Variants in ERI1 observed in about 807,000 individuals in gnomAD.
The protein encoded by ERI1 is exoribonuclease 1.
In ERI1, 39 loss-of-function variants were observed where a neutral mutation model predicts 39.7. That is an observed-to-expected ratio of 0.98 (90% CI 0.76 to 1.28). The LOEUF (loss-of-function observed/expected upper bound fraction) is 1.28, where lower values mean the gene tolerates loss of function less well. Ranked by LOEUF, ERI1 falls within the 50% of genes most tolerant of loss-of-function variation. The probability of loss-of-function intolerance (pLI) is 0.00; values close to 1 mark genes in which losing one functional copy is unlikely to be tolerated. For missense variants in ERI1, 581 were observed against 416.9 expected, an observed-to-expected ratio of 1.39 and a Z score of -3.43; for synonymous variants, 204 against 149.6, an observed-to-expected ratio of 1.36 and a Z score of -2.65.
At position 9,008,020 on chromosome 8, in the gene ERI1, C is replaced by G. The variant is rs1419917180; in HGVS notation, c.159C>G (p.Phe53Leu). ...GCCAGGAGACAAAAGGATCCAAGTTCATTACCTCCAGTGCGAGTGACTTCA... is the reference window on the plus strand; with the variant it reads ...GCCAGGAGACAAAAGGATCCAAGTTGATTACCTCCAGTGCGAGTGACTTCA... ...FDGQETKGSK[F>L]ITSSASDFSD... Residue 53 changes from phenylalanine to leucine, a missense_variant, in exon 2 of 7, where the codon TTC becomes TTG. Phe to Leu is a conservative substitution (Grantham distance 22, BLOSUM62 0). Transcript: ENST00000250263. The G allele has an allele frequency of 1.5e-5, 22 of 1,464,746 alleles. No homozygotes were observed. The highest frequency in any genetic ancestry group is 2.0e-5 in the Non-Finnish European group (22 of 1,096,724). 90.7% of individuals were successfully genotyped at this position (1,464,746 alleles called of 1,614,324 possible).
chr8:9,038,407 C>T (rs561613473), intron 3 of ERI1, among the ~76,000 whole-genome samples: 1 of 152,344 alleles, frequency 6.6e-6, no homozygotes, highest in South Asian at 2.1e-4. Flanking sequence ...CTGTATTTTT[C>T]TGCCTGAAAG....
chr8:9,022,835 C>T (rs1013770186), intron 6 of ERI1, among the ~76,000 whole-genome samples: 4 of 152,056 alleles, frequency 2.6e-5, no homozygotes, highest in Non-Finnish European at 5.9e-5. Flanking sequence ...AACTCATGGC[C>T]AGTCATGTTT....
intron 3 of ERI1, among the ~76,000 whole-genome samples, chr8:9,074,103 T>C (rs1799135866): frequency 6.6e-6 from 1 of 150,578 alleles, no homozygotes; most frequent in South Asian, 2.1e-4. Context: ...TTTTTGTGTG[T>C]GTTATTTTTT....
intron 3 of ERI1, among the ~76,000 whole-genome samples, chr8:9,087,977 C>T (rs1469237445): frequency 6.6e-6 from 1 of 152,196 alleles, no homozygotes; most frequent in Non-Finnish European, 1.5e-5. Context: ...TTGATCATCA[C>T]ATTCCTGGCA....
chr8:9,039,246 A>T (rs1417599674), intron 3 of ERI1, among the ~76,000 whole-genome samples: 1 of 152,112 alleles, frequency 6.6e-6, no homozygotes, highest in Non-Finnish European at 1.5e-5. Context: ...AGGATATAAT[A>T]CTCTTGGCAC....
intron 2 of ERI1, among the ~76,000 whole-genome samples, chr8:9,009,577 G>T (rs930427515): frequency 2.0e-5 from 3 of 152,090 alleles, no homozygotes; most frequent in African/African-American, 7.2e-5. Flanking sequence ...GTCTTGCTCT[G>T]TCGCCAGGCT....
Position 9,030,870 on chromosome 8 carries a change from G to GT in ERI1, c.*837dup, listed in dbSNP as rs1797540540. 1 of 152,068 alleles carries GT rather than the reference G, an allele frequency of 6.6e-6. No individual in the cohort carries two copies. Among genetic ancestry groups the GT allele is most frequent in the South Asian group, 2.1e-4 (1 of 4,826 alleles). The allele number at this position is 152,068 out of a possible 1,614,324, so 9.4% of individuals were successfully genotyped here. Reference sequence around the variant, plus strand: ...CTAATTTTACTTTGTATTCAGTATCGTAAGTGAGGTTAATAAAGTCAATAC... The same window carrying GT: ...CTAATTTTACTTTGTATTCAGTATCGTTAAGTGAGGTTAATAAAGTCAATAC... On this transcript the variant is annotated 3_prime_UTR_variant, in exon 7 of 7. Transcript: ENST00000250263.
At chr8:9,017,360 C>G (rs923039301) in intron 4 of ERI1, among the ~76,000 whole-genome samples, 5 of 152,110 alleles carry the variant, frequency 3.3e-5, no homozygotes, top group African/African-American at 1.2e-4. Flanking sequence ...TTTTAGGTCT[C>G]TGATTTTTTA....
intron 3 of ERI1, among the ~76,000 whole-genome samples, chr8:9,078,293 C>T (rs1294365851): frequency 5.9e-5 from 9 of 152,054 alleles, no homozygotes; most frequent in East Asian, 1.9e-4. Flanking sequence ...CCTGCCCTAC[C>T]GCCCTGTGTT....
chr8:9,060,759 G>A (rs1002166773), intron 3 of ERI1, among the ~76,000 whole-genome samples: 2 of 152,210 alleles, frequency 1.3e-5, no homozygotes, highest in African/African-American at 4.8e-5. Context: ...GTGAAGGACA[G>A]AAGTTGGAAA....
intron 6 of ERI1, among the ~76,000 whole-genome samples, chr8:9,028,547 A>G (rs963562945): frequency 1.3e-5 from 2 of 152,256 alleles, no homozygotes; most frequent in Non-Finnish European, 2.9e-5. Flanking sequence ...TCCAAGATGC[A>G]TAGGCAAAAT....
intron 3 of ERI1, chr8:9,096,747 GA>G (rs1282460564): frequency 5.8e-5 from 8 of 136,934 alleles, no homozygotes; most frequent in African/African-American, 2.2e-4. Context: ...TTTCAGACGG[GA>G]TCTCACTCTG....
intron 3 of ERI1, among the ~76,000 whole-genome samples, chr8:9,053,571 T>C (rs1013554163): frequency 6.6e-6 from 1 of 152,228 alleles, no homozygotes; most frequent in African/African-American, 2.4e-5. Flanking sequence ...CAGTGCTTTG[T>C]TGAGTTCTAT....
chr8:9,048,670 G>C (rs1297822072), intron 3 of ERI1, among the ~76,000 whole-genome samples: 2 of 152,132 alleles, frequency 1.3e-5, no homozygotes, highest in African/African-American at 4.8e-5. Context: ...TTTGAGACAG[G>C]ATCTTGCTCC....
intron 1 of ERI1, among the ~76,000 whole-genome samples, chr8:9,006,672 A>G (rs1816052212): frequency 6.6e-6 from 1 of 152,174 alleles, no homozygotes; most frequent in Non-Finnish European, 1.5e-5. Context: ...GTCAACTAGC[A>G]ATACTTTTTT....
chr8:9,017,587 G>A (rs1283890582), intron 4 of ERI1, among the ~76,000 whole-genome samples: 1 of 152,172 alleles, frequency 6.6e-6, no homozygotes, highest in Admixed American at 6.5e-5. Context: ...ATATGACAGA[G>A]GGAATAGAAG....
chr8:9,015,722 CAA>C (rs758835506), intron 3 of ERI1, among the ~76,000 whole-genome samples: 173 of 56,572 alleles, frequency 3.1e-3, no homozygotes, highest in African/African-American at 0.013. Context: ...ACTCTGTCTC[CAA>C]AAAAAAAAAA....
chr8:9,046,843 G>A (rs1026623243), intron 3 of ERI1, among the ~76,000 whole-genome samples: 1 of 152,152 alleles, frequency 6.6e-6, no homozygotes, highest in Non-Finnish European at 1.5e-5. Context: ...CCTCCCCTTG[G>A]GAAGAGGAAA....
At chr8:9,008,634 T>C (rs112665047) in intron 2 of ERI1, among the ~76,000 whole-genome samples, 2 of 152,252 alleles carry the variant, frequency 1.3e-5, no homozygotes, top group African/African-American at 4.8e-5. Flanking sequence ...TCACTGTATA[T>C]TGAGTGAGAA....
Sources: allele counts gnomAD v4.1 joint callset (sites outside exome capture counted in the v4.1 genomes callset), GRCh38; gene constraint gnomAD v4.1.1; transcripts MANE v1.5; gene names NCBI Gene and HGNC (gene_info 2026-07-23, HGNC 2026-07-21).